Variants in GCNT2 observed in about 807,000 individuals in gnomAD.
GCNT2 encodes the protein N-acetyllactosaminide beta-1,6-N-acetylglucosaminyl-transferase.
In GCNT2, 34 loss-of-function variants were observed where a neutral mutation model predicts 34.2. That is an observed-to-expected ratio of 1.00 (90% CI 0.76 to 1.32). The LOEUF (loss-of-function observed/expected upper bound fraction) is 1.32, where lower values mean the gene tolerates loss of function less well. GCNT2 is among the 40% of genes most tolerant of loss of function. The pLI is 0.00. For missense variants in GCNT2, 584 were observed against 489.4 expected (o/e 1.19, Z -1.82); for synonymous variants, 212 against 188.0 (o/e 1.13, Z -1.04).
intron 3 of GCNT2, among the ~76,000 whole-genome samples, chr6:10,614,471 A>C (rs1293863953): frequency 3.9e-5 from 6 of 152,086 alleles, no homozygotes. Context: ...TAAAAATACA[A>C]AAAATTAGCT....
intron 3 of GCNT2, among the ~76,000 whole-genome samples, chr6:10,568,502 C>T (rs1344533234): frequency 6.6e-6 from 1 of 152,228 alleles, no homozygotes; most frequent in African/African-American, 2.4e-5. Flanking sequence ...CAAGTGGTCT[C>T]TCTGGCCCGA....
intron 3 of GCNT2, among the ~76,000 whole-genome samples, chr6:10,577,665 C>T (rs1389072306): frequency 1.4e-4 from 22 of 152,060 alleles, no homozygotes; most frequent in Non-Finnish European, 7.4e-5. Context: ...CACAGCCTCC[C>T]GAGTAGCTGG....
chr6:10,569,259 ACACACACACACACACC>A, intron 3 of GCNT2, among the ~76,000 whole-genome samples: 2 of 148,992 alleles, frequency 1.3e-5, no homozygotes, highest in East Asian at 2.0e-4. Context: ...ACACACACAC[ACACACACACACACACC>A]CCCTAGGTAA....
Position 10,624,790 on chromosome 6 carries a change from G to A in GCNT2, c.1019-1627G>A, listed in dbSNP as rs969229992. On this transcript the variant is annotated intron_variant, in intron 4 of 4. Transcript: ENST00000495262. ...GTCACCCATCCTCCCAACAAAAGCC[G>A]CCAGCTATGGTCTCAGCTATCTGTG... is the stretch of plus-strand genomic sequence containing the variant. 5.9e-5 allele frequency among the ~76,000 whole-genome samples: 9 copies of A among 152,066 alleles called. 1 individual carries two copies. The East Asian group carries it at 9.7e-4, about 16-fold the overall frequency.
chr6:10,580,505 T>A (rs921995019), intron 3 of GCNT2, among the ~76,000 whole-genome samples: 1 of 152,166 alleles, frequency 6.6e-6, no homozygotes, highest in Non-Finnish European at 1.5e-5. Flanking sequence ...GCATCTCGCT[T>A]GTGGCCAAAG....
chr6:10,597,280 C>T (rs1044792211), intron 3 of GCNT2, among the ~76,000 whole-genome samples: 22 of 151,502 alleles, frequency 1.5e-4, no homozygotes, highest in African/African-American at 5.1e-4. Flanking sequence ...CTCAGCCTTC[C>T]GAGTAGCTGG....
intron 3 of GCNT2, chr6:10,585,882 G>A: frequency 6.4e-7 from 1 of 1,571,050 alleles, no homozygotes; most frequent in South Asian, 1.2e-5. Context: ...GCCCTCCGGA[G>A]AAGCTGTCGA....
At chr6:10,624,047 T>G (rs1766158312) in intron 4 of GCNT2, among the ~76,000 whole-genome samples, 1 of 152,116 alleles carries the variant, frequency 6.6e-6, no homozygotes, top group African/African-American at 2.4e-5. Context: ...TGGGGAGTGT[T>G]GCGGAACTCT....
At chr6:10,581,896 A>T (rs1451589202) in intron 3 of GCNT2, 4 of 983,216 alleles carry the variant, frequency 4.1e-6, no homozygotes, top group African/African-American at 3.5e-5. Context: ...AAAATGGGTT[A>T]TTGGATTGTT....
At chr6:10,569,235 C>CACACACACA (rs1554131675) in intron 3 of GCNT2, among the ~76,000 whole-genome samples, 1 of 47,464 alleles carries the variant, frequency 2.1e-5, no homozygotes, top group Non-Finnish European at 5.0e-5. Context: ...ACTCCCCCCG[C>CACACACACA]CACACACACA....
At chr6:10,595,366 C>A (rs749404351) in intron 3 of GCNT2, among the ~76,000 whole-genome samples, 8 of 152,010 alleles carry the variant, frequency 5.3e-5, no homozygotes, top group Non-Finnish European at 1.0e-4. Context: ...CAAGCTCTAC[C>A]TCCTGGGTTC....
intron 3 of GCNT2, among the ~76,000 whole-genome samples, chr6:10,590,305 A>G (rs1764573775): frequency 6.6e-6 from 1 of 151,800 alleles, no homozygotes; most frequent in African/African-American, 2.4e-5. Context: ...AGGCTGAGGA[A>G]GGAGGATTGC....
rs757985984 is a variant in GCNT2, at chr6:10,529,668, C to A, written c.757C>A (p.Pro253Thr). The A allele has an allele frequency of 7.4e-6, 12 of 1,613,620 alleles. No homozygotes were observed. The highest frequency in any genetic ancestry group is 4.0e-5 in the African/African-American group (3 of 74,832). The change falls in exon 3 of 5, where the codon CCT (proline) becomes ACT (threonine). Residue 253 changes from proline to threonine, a missense_variant. Coordinates refer to ENST00000495262, the MANE Select transcript of GCNT2 (RefSeq NM_145649.5). ...GATTAAAACAACAAAATTAAAAACT[C>A]CTCCTCCTCATGACATGGTGATTTA... ...YVIKTTKLKT[P>T]PPHDMVIYFG...
chr6:10,615,411 C>G (rs1014387783), intron 3 of GCNT2, among the ~76,000 whole-genome samples: 31 of 152,260 alleles, frequency 2.0e-4, no homozygotes, highest in Non-Finnish European at 4.1e-4. Context: ...ACCTCCCATG[C>G]TCAGATGATC....
chr6:10,602,340 C>G (rs972775574), intron 3 of GCNT2, among the ~76,000 whole-genome samples: 5 of 152,170 alleles, frequency 3.3e-5, no homozygotes, highest in Non-Finnish European at 7.4e-5. Flanking sequence ...TAACAGTGGT[C>G]CTGACTGCAT....
At position 10,626,588 on chromosome 6, in the gene GCNT2, A is replaced by G; in HGVS notation, c.1190A>G (p.Gln397Arg). 6.2e-7 allele frequency: 1 copy of G among 1,613,624 alleles called. No homozygotes were observed. Among genetic ancestry groups the G allele is most frequent in the South Asian group, 1.1e-5 (1 of 91,080 alleles). ...RTLNQSETAI[Q>R]PSWYF is the part of the protein sequence containing the mutation. ...CTCAATCAGAGTGAAACTGCGATAC[A>G]ACCCAGCTGGTATTTTTGAGCTATT... The change falls in exon 5 of 5, where the codon CAA becomes CGA. Residue 397 changes from glutamine (Q) to arginine (R), a missense_variant. By Grantham distance (43) the Gln-to-Arg change is conservative. Transcript: ENST00000495262.
intron 3 of GCNT2, among the ~76,000 whole-genome samples, chr6:10,571,680 G>A (rs1198938361): frequency 6.6e-6 from 1 of 152,082 alleles, no homozygotes; most frequent in Non-Finnish European, 1.5e-5. Flanking sequence ...ATCTCTTCAT[G>A]TTCTCCCATT....
intron 3 of GCNT2, among the ~76,000 whole-genome samples, chr6:10,579,660 A>G (rs1225093564): frequency 6.6e-6 from 1 of 151,980 alleles, no homozygotes; most frequent in African/African-American, 2.4e-5. Context: ...TACTAAAAAT[A>G]CAAAAATCAG....
chr6:10,607,008 G>A (rs542217400), intron 3 of GCNT2, among the ~76,000 whole-genome samples: 116 of 151,926 alleles, frequency 7.6e-4, no homozygotes, highest in African/African-American at 2.6e-3. Context: ...GTGCAATGGC[G>A]TGACCTCGGC....
Sources: allele counts gnomAD v4.1 joint callset (sites outside exome capture counted in the v4.1 genomes callset), GRCh38; gene constraint gnomAD v4.1.1; transcripts MANE v1.5; gene names NCBI Gene and HGNC (gene_info 2026-07-23, HGNC 2026-07-21).